KHDRBS1: variants seen among roughly 807,000 people sequenced by gnomAD.
KHDRBS1 encodes the protein KH RNA binding domain containing, signal transduction associated 1.
Under a neutral mutation model 48.4 loss-of-function variants are expected in KHDRBS1, and 7 were observed. That is an observed-to-expected ratio of 0.14 (90% CI 0.08 to 0.27). KHDRBS1 has a LOEUF of 0.27. Ranked by LOEUF, KHDRBS1 falls within the 10% of genes least tolerant of loss-of-function variation. The probability of loss-of-function intolerance (pLI) is 1.00; values close to 1 mark genes in which losing one functional copy is unlikely to be tolerated. For synonymous variants in KHDRBS1, 241 were observed against 235.8 expected, an observed-to-expected ratio of 1.02 and a Z score of -0.20; for missense variants, 458 against 601.2, an observed-to-expected ratio of 0.76 and a Z score of 2.49.
intron 4 of KHDRBS1, among the ~76,000 whole-genome samples, chr1:32,035,027 A>G (rs1052732721): frequency 2.0e-5 from 3 of 151,812 alleles, no homozygotes; most frequent in Non-Finnish European, 4.4e-5. Context: ...ACCATTTAAC[A>G]TATCCTAGAG....
At chr1:32,021,067 C>T (rs1638848021) in intron 1 of KHDRBS1, among the ~76,000 whole-genome samples, 1 of 151,894 alleles carries the variant, frequency 6.6e-6, no homozygotes. Flanking sequence ...CTAAAGTATA[C>T]AGGATCTCTG....
intron 10 of KHDRBS1, chr1:32,052,834 A>G (rs944409773): frequency 6.6e-6 from 1 of 152,144 alleles, no homozygotes; most frequent in African/African-American, 2.4e-5. Flanking sequence ...GGTAGATGTT[A>G]TTATCCCATT....
In KHDRBS1 at chr1:32,014,387, C is replaced by T. The variant is rs1246015329; in HGVS notation, c.382+10C>T. The T allele has an allele frequency of 2.2e-6, 3 of 1,366,736 alleles. No individual in the cohort carries two copies. Among genetic ancestry groups the T allele is most frequent in the Admixed American group, 5.2e-5 (2 of 38,536 alleles). The allele number at this position is 1,366,736 out of a possible 1,614,324, so 84.7% of individuals were successfully genotyped here. A position where few individuals can be genotyped will look rare whatever the true frequency, so the allele number is the denominator to read the frequency against. On this transcript the variant is annotated intron_variant, in intron 1 of 8. Transcript: ENST00000327300. ...CAGCTGCTGACGGCAGGTAAGGGGG[C>T]CTCCCGTGTCCCTCTGGGTCGCCCG...
intron 1 of KHDRBS1, among the ~76,000 whole-genome samples, chr1:32,027,502 T>G (rs1436906426): frequency 6.6e-6 from 1 of 152,230 alleles, no homozygotes; most frequent in Non-Finnish European, 1.5e-5. Flanking sequence ...GAAGCATTAC[T>G]CTGTTAACTG....
chr1:32,051,590 G>A (rs867057668), intron 10 of KHDRBS1, among the ~76,000 whole-genome samples: 20 of 152,266 alleles, frequency 1.3e-4, no homozygotes, highest in Non-Finnish European at 1.3e-4. Flanking sequence ...CAGAGGCAGC[G>A]CTCCAGCATG....
At position 32,042,728 on chromosome 1, in the gene KHDRBS1, CTAAG is replaced by C; in HGVS notation, c.*106_*109del. 2.8e-6 allele frequency: 2 copies of C among 713,374 alleles called. No homozygotes were observed. The highest frequency in any genetic ancestry group is 4.9e-6 in the Non-Finnish European group (2 of 408,688). The allele number at this position is 713,374 out of a possible 1,614,324, so 44.2% of individuals were successfully genotyped here. ...TTACCCACAACAGACAAGTAATTGT[CTAAG>C]TGTTTTTCTTCGTGGTCCCCTTCTT... On this transcript the variant is annotated 3_prime_UTR_variant, in exon 9 of 9. Coordinates refer to ENST00000327300, the MANE Select transcript of KHDRBS1 (RefSeq NM_006559.3).
chr1:32,021,437 T>A (rs961898673), intron 1 of KHDRBS1, among the ~76,000 whole-genome samples: 1 of 152,188 alleles, frequency 6.6e-6, no homozygotes, highest in South Asian at 2.1e-4. Flanking sequence ...CTTTGTGCTC[T>A]TGCTTGAAAC....
At chr1:32,017,382 C>G (rs998017489) in intron 1 of KHDRBS1, among the ~76,000 whole-genome samples, 13 of 151,886 alleles carry the variant, frequency 8.6e-5, no homozygotes, top group Non-Finnish European at 1.6e-4. Flanking sequence ...ATTCAATCAT[C>G]CATCTTTGTT....
Position 32,043,320 on chromosome 1 carries a change from C to CT in KHDRBS1, c.*701dup, listed in dbSNP as rs941210108. Reference sequence around the variant, plus strand: ...AACAAAATTAGGCTTGTAAAACTGACTTTTTCATTACGTGGGTTTTGAAAT... The same window carrying CT: ...AACAAAATTAGGCTTGTAAAACTGACTTTTTTCATTACGTGGGTTTTGAAAT... On this transcript the variant is annotated 3_prime_UTR_variant, in exon 9 of 9. Coordinates refer to ENST00000327300, the MANE Select transcript of KHDRBS1 (RefSeq NM_006559.3). 6.6e-6 allele frequency: 1 copy of CT among 151,892 alleles called. No homozygotes were observed. Among genetic ancestry groups the CT allele is most frequent in the Non-Finnish European group, 1.5e-5 (1 of 67,898 alleles). 9.4% of individuals were successfully genotyped at this position (151,892 alleles called of 1,614,324 possible). A position where few individuals can be genotyped will look rare whatever the true frequency, so the allele number is the denominator to read the frequency against.
At chr1:32,024,370 C>T (rs899496160) in intron 1 of KHDRBS1, among the ~76,000 whole-genome samples, 6 of 152,126 alleles carry the variant, frequency 3.9e-5, no homozygotes, top group Admixed American at 1.3e-4. Flanking sequence ...AATGCAGTGG[C>T]GCCCATTATG....
chr1:32,028,616 C>T (rs996578825), intron 1 of KHDRBS1, among the ~76,000 whole-genome samples: 11 of 150,150 alleles, frequency 7.3e-5, no homozygotes, highest in African/African-American at 2.7e-4. Context: ...CATTCTCCTG[C>T]CCCAGCCTCC....
chr1:32,041,102 C>T lies in KHDRBS1; in HGVS notation c.1235-1425C>T, dbSNP rs565646085. Among the ~76,000 whole-genome samples, 33 of 152,218 alleles carry T rather than the reference C, an allele frequency of 2.2e-4. 1 individual carries two copies. Among genetic ancestry groups the T allele is most frequent in the African/African-American group, 5.3e-4 (22 of 41,520 alleles). ...TGAAAGAGGCAGGCTTCTCTTTGTG[C>T]TCCTGATACGACGTTGCCACAGTTA... On this transcript the variant is annotated intron_variant, in intron 8 of 8. Coordinates refer to ENST00000327300, the MANE Select transcript of KHDRBS1 (RefSeq NM_006559.3).
At chr1:32,038,837 G>A (rs1405618165) in intron 7 of KHDRBS1, among the ~76,000 whole-genome samples, 3 of 152,142 alleles carry the variant, frequency 2.0e-5, no homozygotes, top group African/African-American at 4.8e-5. Context: ...TTACAGGTGC[G>A]TGCCACCATG....
Position 32,014,235 on chromosome 1 carries a change from G to A in KHDRBS1, c.240G>A (p.Gly80=), listed in dbSNP as rs373256621. ...SATGPDATVG[G]PAPTPLLPPS... is the part of the protein sequence containing the mutation. ...CGGGTCCCGACGCGACAGTGGGCGG[G>A]CCAGCGCCGACCCCGCTGCTGCCCC... Residue 80 remains glycine (G), a synonymous_variant, in exon 1 of 9, where the codon GGG becomes GGA. Transcript: ENST00000327300. The A allele has an allele frequency of 9.1e-4, 1,396 of 1,526,478 alleles. 10 individuals carry two copies. In the African/African-American group the frequency reaches 0.018, roughly 19 times the overall value. 94.6% of individuals were successfully genotyped at this position (1,526,478 alleles called of 1,614,324 possible). A position where few individuals can be genotyped will look rare whatever the true frequency, so the allele number is the denominator to read the frequency against.
intron 1 of KHDRBS1, among the ~76,000 whole-genome samples, chr1:32,019,921 AC>A (rs1290632141): frequency 3.3e-5 from 5 of 151,884 alleles, no homozygotes; most frequent in Admixed American, 6.6e-5. Flanking sequence ...ACAGGCGCCC[AC>A]CACCATGCCC....
chr1:32,034,518 C>T (rs1036244664), intron 4 of KHDRBS1, among the ~76,000 whole-genome samples: 1 of 152,060 alleles, frequency 6.6e-6, no homozygotes, highest in East Asian at 1.9e-4. Context: ...TGAGATTGCA[C>T]CATTGGACTC....
chr1:32,042,662 G>A lies in KHDRBS1; in HGVS notation c.*38G>A, dbSNP rs1276841235. 6 of 1,246,022 alleles carry A rather than the reference G, an allele frequency of 4.8e-6. No individual in the cohort carries two copies. Among genetic ancestry groups the A allele is most frequent in the Non-Finnish European group, 7.1e-6 (6 of 849,918 alleles). 77.2% of individuals were successfully genotyped at this position (1,246,022 alleles called of 1,614,324 possible). A position where few individuals can be genotyped will look rare whatever the true frequency, so the allele number is the denominator to read the frequency against. On this transcript the variant is annotated 3_prime_UTR_variant, in exon 9 of 9. Transcript: ENST00000327300. ...GGGGAAAATATCAGTTATGAGCAAA[G>A]TTGTTACTGATTTCTTGTATCTCCC...
chr1:32,015,096 G>A (rs867211092), intron 1 of KHDRBS1, among the ~76,000 whole-genome samples: 1 of 152,148 alleles, frequency 6.6e-6, no homozygotes, highest in Non-Finnish European at 1.5e-5. Flanking sequence ...AGGGACTCCC[G>A]CGTAGTTCAC....
intron 8 of KHDRBS1, among the ~76,000 whole-genome samples, chr1:32,042,271 C>T (rs1009801899): frequency 6.6e-6 from 1 of 152,208 alleles, no homozygotes; most frequent in African/African-American, 2.4e-5. Context: ...TGAAGAACCT[C>T]GTTGTGGGAG....
Sources: allele counts gnomAD v4.1 joint callset (sites outside exome capture counted in the v4.1 genomes callset), GRCh38; gene constraint gnomAD v4.1.1; transcripts MANE v1.5; gene names NCBI Gene and HGNC (gene_info 2026-07-23, HGNC 2026-07-21).